Variants in NTRK3 observed in about 807,000 individuals in gnomAD.
NTRK3 encodes the protein neurotrophic receptor tyrosine kinase 3.
NTRK3 carries 24 observed loss-of-function variants against 91.7 expected under a neutral mutation model. The observed-to-expected ratio is 0.26, with a 90% CI of 0.19 to 0.37. The LOEUF (loss-of-function observed/expected upper bound fraction) is 0.37. Among genes scored for constraint, NTRK3 ranks in the 10% least tolerant of loss-of-function variants. The probability of loss-of-function intolerance (pLI) is 1.00; values close to 1 mark genes in which losing one functional copy is unlikely to be tolerated. For synonymous variants in NTRK3, 483 were observed against 404.0 expected (o/e 1.20, Z -2.34); for missense variants, 880 against 1,068.9 (o/e 0.82, Z 2.46).
At chr15:87,876,739 T>TATA in exon 19 of NTRK3, 1 of 393,806 alleles carries the variant, frequency 2.5e-6, no homozygotes, top group Non-Finnish European at 4.7e-6. Flanking sequence ...ATATATATAT[T>TATA]TGCCAAACTG....
rs749120981 is a variant in NTRK3, at chr15:88,096,818, G to A, written c.1396+29453C>T. 2.4e-4 allele frequency among the ~76,000 whole-genome samples: 37 copies of A among 152,150 alleles called. 1 individual carries two copies. The highest frequency in any genetic ancestry group is 2.2e-4 in the Non-Finnish European group (15 of 68,030). ...ACTGCAGCAATCCACTCACTGTCAC[G>A]CTCTTTCTTGACTTTATCATCTCCC... On this transcript the variant is annotated intron_variant, in intron 13 of 18. Transcript: ENST00000394480.
chr15:88,040,171 C>T (rs2079464483), intron 13 of NTRK3, among the ~76,000 whole-genome samples: 1 of 152,148 alleles, frequency 6.6e-6, no homozygotes, highest in African/African-American at 2.4e-5. Context: ...CTATTTATTC[C>T]TAATTAGATG....
At position 88,255,318 on chromosome 15, in the gene NTRK3, C is replaced by G. The variant is rs1028558966; in HGVS notation, c.248+588G>C. Among the ~76,000 whole-genome samples, 1 of 152,140 alleles carries G rather than the reference C, an allele frequency of 6.6e-6. No individual in the cohort carries two copies. Among genetic ancestry groups the G allele is most frequent in the Non-Finnish European group, 1.5e-5 (1 of 68,034 alleles). ...GAGGGGAAGGGAAGAGGTAGGCGTC[C>G]ATGACGGCCTCCACACGTCCAAAGT... On this transcript the variant is annotated intron_variant, in intron 3 of 18. Coordinates refer to ENST00000394480, the Ensembl canonical transcript of NTRK3. The surrounding 1 kb of genome is among the most constrained non-coding windows in gnomAD (Gnocchi z 4.3).
chr15:87,867,381 C>T (rs909178219), exon 19 of NTRK3: 3 of 229,216 alleles, frequency 1.3e-5, no homozygotes, highest in Middle Eastern at 2.6e-3. Flanking sequence ...AGAGTTTGGA[C>T]AGCTTCCAAA....
chr15:88,079,026 G>T (rs957735680), intron 13 of NTRK3, among the ~76,000 whole-genome samples: 9 of 152,312 alleles, frequency 5.9e-5, no homozygotes, highest in African/African-American at 1.7e-4. Flanking sequence ...GGTAGAGATG[G>T]GAGTGCAGGG....
exon 19 of NTRK3, chr15:87,874,934 A>C (rs1321197695): frequency 1.3e-5 from 3 of 232,674 alleles, no homozygotes; most frequent in African/African-American, 6.6e-5. Flanking sequence ...CCAAATTCCC[A>C]TCTCACCTGC....
chr15:88,105,891 GACA>G (rs1249322712), intron 13 of NTRK3, among the ~76,000 whole-genome samples: 3 of 152,164 alleles, frequency 2.0e-5, no homozygotes, highest in African/African-American at 7.2e-5. Context: ...TACAGATGAG[GACA>G]GCAGAAGTTC....
chr15:88,168,905 T>C (rs978686733), intron 5 of NTRK3, among the ~76,000 whole-genome samples: 1 of 152,258 alleles, frequency 6.6e-6, no homozygotes, highest in African/African-American at 2.4e-5. Context: ...ACTCACTGGA[T>C]GTCTTTGGCC....
chr15:87,869,440 T>G (rs1350368019), exon 19 of NTRK3: 7 of 223,598 alleles, frequency 3.1e-5, no homozygotes, highest in African/African-American at 1.6e-4. Flanking sequence ...AGGGCAGGGC[T>G]TCTTCAGAAG....
intron 17 of NTRK3, among the ~76,000 whole-genome samples, chr15:87,904,327 T>A (rs866058351): frequency 3.3e-5 from 5 of 151,998 alleles, no homozygotes; most frequent in Admixed American, 6.6e-5. Context: ...ATTTTTTTTT[T>A]ATTTTATTTT....
At chr15:88,068,706 G>A (rs2349586) in intron 13 of NTRK3, among the ~76,000 whole-genome samples, 51,418 of 151,964 alleles carry the variant, frequency 0.34, 9,249 homozygotes, top group Non-Finnish European at 0.41. Flanking sequence ...ACTTAGCATG[G>A]GCCCGTGGCT....
chr15:87,940,729 T>C (rs2069747764), exon 15 of NTRK3: 2 of 1,614,110 alleles, frequency 1.2e-6, no homozygotes. Flanking sequence ...CAGCACGATG[T>C]CTCTCCTCTT....
At chr15:88,253,695 G>A (rs376944257) in intron 3 of NTRK3, among the ~76,000 whole-genome samples, 10 of 152,294 alleles carry the variant, frequency 6.6e-5, no homozygotes, top group Admixed American at 5.9e-4. Context: ...TTGGTGTTGG[G>A]TGGATTTAGA....
At chr15:87,914,080 T>C (rs1297019109) in intron 17 of NTRK3, among the ~76,000 whole-genome samples, 1 of 152,222 alleles carries the variant, frequency 6.6e-6, no homozygotes, top group Non-Finnish European at 1.5e-5. Flanking sequence ...CTTTCTTAGC[T>C]GGATGTCGTT....
chr15:88,217,764 A>ATTTT (rs57874235), intron 3 of NTRK3, among the ~76,000 whole-genome samples: 6,337 of 143,682 alleles, frequency 0.044, 509 homozygotes, highest in African/African-American at 0.14. Context: ...TTGTAGCACA[A>ATTTT]TTTTTTTTTT....
exon 7 of NTRK3, chr15:88,137,554 C>T (rs2151221837): frequency 2.5e-6 from 4 of 1,613,894 alleles, no homozygotes; most frequent in Non-Finnish European, 3.4e-6. Flanking sequence ...AAGTTCTGCT[C>T]CAACTGCCTG....
intron 14 of NTRK3, among the ~76,000 whole-genome samples, chr15:87,950,975 T>C (rs2071053580): frequency 6.6e-6 from 1 of 152,206 alleles, no homozygotes; most frequent in African/African-American, 2.4e-5. Context: ...GGACAGTTTT[T>C]AGTCTGATAT....
chr15:88,037,525 T>C (rs918395441), intron 13 of NTRK3, among the ~76,000 whole-genome samples: 1 of 152,130 alleles, frequency 6.6e-6, no homozygotes, highest in Non-Finnish European at 1.5e-5. Context: ...TGGCACCCAC[T>C]GCACTCTAGC....
intron 13 of NTRK3, among the ~76,000 whole-genome samples, chr15:88,068,430 C>T: frequency 6.6e-6 from 1 of 151,620 alleles, no homozygotes; most frequent in Non-Finnish European, 1.5e-5. Flanking sequence ...AACTCCATCT[C>T]AAAAAAACAA....
Sources: gnomAD v4.1 joint callset for allele counts (sites outside exome capture counted in the v4.1 genomes callset) on GRCh38, gnomAD v4.1.1 for gene constraint, Gnocchi (gnomAD v3.1) non-coding constraint, MANE v1.5 for transcripts, NCBI Gene and HGNC (gene_info 2026-07-23, HGNC 2026-07-21) for gene names.